FUBP3: variants seen among roughly 807,000 people sequenced by gnomAD.
The protein encoded by FUBP3 is far upstream element-binding protein 3.
Under a neutral mutation model 85.6 loss-of-function variants are expected in FUBP3, and 28 were observed. The observed-to-expected ratio is 0.33, with a 90% CI of 0.24 to 0.45. FUBP3 has a LOEUF of 0.45. FUBP3 is among the 20% of genes least tolerant of loss of function. The pLI, the probability that FUBP3 is intolerant of heterozygous loss-of-function variation, is 1.00. For synonymous variants in FUBP3, 271 were observed against 271.4 expected, an observed-to-expected ratio of 1.00 and a Z score of 0.01; for missense variants, 583 against 755.1, an observed-to-expected ratio of 0.77 and a Z score of 2.67.
Position 130,616,173 on chromosome 9 carries a change from AT to A in FUBP3, c.405-180del. Among the ~76,000 whole-genome samples the A allele has an allele frequency of 6.6e-6, 1 of 152,306 alleles. No individual in the cohort carries two copies. Among genetic ancestry groups the A allele is most frequent in the Middle Eastern group, 3.4e-3 (1 of 292 alleles). ...GTACTGTGGTGTGTGTTGCTTTTAA[AT>A]TCCAGCCCGGTAGCGTGGCGGATGG... On this transcript the variant is annotated intron_variant, in intron 6 of 18. Transcript: ENST00000319725. The surrounding 1 kb of genome is among the most constrained non-coding windows in gnomAD (Gnocchi z 4.7).
At chr9:130,601,398 C>CAGGAGCATTTTT (rs372207821) in intron 2 of FUBP3, among the ~76,000 whole-genome samples, 152 of 152,286 alleles carry the variant, frequency 1.0e-3, no homozygotes, top group African/African-American at 3.1e-3. Context: ...TTTTCTTCCT[C>CAGGAGCATTTTT]AGGAGCATTT....
chr9:130,613,202 C>T (rs1488608570), intron 5 of FUBP3, among the ~76,000 whole-genome samples, 175 bp downstream of exon 5: 1 of 152,178 alleles, frequency 6.6e-6, no homozygotes, highest in African/African-American at 2.4e-5. Context: ...AAGGTGGGCC[C>T]GGAGATAAGG....
rs1353258500 is a variant in FUBP3 at position 130,632,038 on chromosome 9, T to C, written c.1433+16T>C. The C allele has an allele frequency of 4.4e-6, 7 of 1,587,080 alleles. No individual in the cohort carries two copies. Among genetic ancestry groups the C allele is most frequent in the Non-Finnish European group, 5.2e-6 (6 of 1,155,392 alleles). On this transcript the variant is annotated intron_variant, in intron 15 of 18. Transcript: ENST00000319725. ...CCCCTGTGAGGTAGGTGACCTGCTG[T>C]GACTCAGTTGGGGACAGACGGCACT...
At chr9:130,631,024 C>T (rs903879056) in intron 13 of FUBP3, 14 of 678,460 alleles carry the variant, frequency 2.1e-5, no homozygotes, top group Admixed American at 4.4e-5. Context: ...CCGCAGCAGC[C>T]GAGGCCCCAG....
chr9:130,584,309 C>G (rs936278561), intron 1 of FUBP3, among the ~76,000 whole-genome samples: 1 of 151,998 alleles, frequency 6.6e-6, no homozygotes, highest in African/African-American at 2.4e-5. Flanking sequence ...GGGCGGATCA[C>G]TTGAACTCAG....
In FUBP3 at chr9:130,612,395, C is replaced by A; in HGVS notation, c.225-61C>A. 9.4e-7 allele frequency: 1 copy of A among 1,066,556 alleles called. No homozygotes were observed. The highest frequency in any genetic ancestry group is 1.4e-6 in the Non-Finnish European group (1 of 693,380). 66.1% of individuals were successfully genotyped at this position (1,066,556 alleles called of 1,614,324 possible). A position where few individuals can be genotyped will look rare whatever the true frequency, so the allele number is the denominator to read the frequency against. On this transcript the variant is annotated intron_variant, in intron 3 of 18. Coordinates refer to ENST00000319725, the MANE Select transcript of FUBP3 (RefSeq NM_003934.2). This position sits in a 1 kb window ranked among gnomAD's most constrained non-coding sequence, Gnocchi z 4.1. ...ATTGCCAGTATGGGCAGTTTGGGGA[C>A]CTAAAATGGCTGCAAAAGTCTGTAT...
At chr9:130,600,110 T>TCCCTCCCC (rs1831080674) in intron 2 of FUBP3, among the ~76,000 whole-genome samples, 2 of 88,830 alleles carry the variant, frequency 2.3e-5, no homozygotes, top group African/African-American at 4.4e-5. Context: ...CCTCCCTCCC[T>TCCCTCCCC]CCCTCCCTCC....
At chr9:130,618,363 T>C (rs984627255) in intron 8 of FUBP3, among the ~76,000 whole-genome samples, 1 of 152,240 alleles carries the variant, frequency 6.6e-6, no homozygotes, top group Non-Finnish European at 1.5e-5. Flanking sequence ...CGTTCTCTTC[T>C]GGGCTTATTT....
At chr9:130,589,701 ATATATT>A (rs1564191036) in intron 1 of FUBP3, among the ~76,000 whole-genome samples, 97 of 27,970 alleles carry the variant, frequency 3.5e-3, no homozygotes, top group African/African-American at 0.02. Context: ...ATATATATAT[ATATATT>A]TTTTTTTTTT....
chr9:130,582,145 A>G (rs955537785), intron 1 of FUBP3: 3 of 152,192 alleles, frequency 2.0e-5, no homozygotes, highest in South Asian at 2.1e-4. Flanking sequence ...CATCCATTCT[A>G]TAGGGTAGTA....
At chr9:130,620,499 A>C in intron 9 of FUBP3, 41 bp downstream of exon 9, 5 of 972,794 alleles carry the variant, frequency 5.1e-6, no homozygotes, top group Non-Finnish European at 6.4e-6. Context: ...TGAGATGAGG[A>C]CTAAAGTTGT....
At chr9:130,589,697 ATATATATATTT>A (rs1232991756) in intron 1 of FUBP3, among the ~76,000 whole-genome samples, 7 of 29,964 alleles carry the variant, frequency 2.3e-4, no homozygotes, top group African/African-American at 1.1e-3. Flanking sequence ...ATATATATAT[ATATATATATTT>A]TTTTTTTTTT....
At chr9:130,605,189 A>T (rs1420918082) in intron 2 of FUBP3, among the ~76,000 whole-genome samples, 1 of 152,102 alleles carries the variant, frequency 6.6e-6, no homozygotes, top group African/African-American at 2.4e-5. Context: ...TCTTGAGGAG[A>T]AGGTGCAGGG....
At chr9:130,591,226 C>T (rs552040492) in intron 1 of FUBP3, among the ~76,000 whole-genome samples, 308 of 152,128 alleles carry the variant, frequency 2.0e-3, no homozygotes, top group Non-Finnish European at 3.3e-3. Context: ...GGGCGGATCA[C>T]GAGGGCAGGA....
Position 130,579,648 on chromosome 9 carries a change from TCGGCGGCGGCGGCGACGGCGGCGGGGG to T in FUBP3, c.-29_-3del, listed in dbSNP as rs1830042258. The T allele has an allele frequency of 8.3e-7, 1 of 1,210,052 alleles. No homozygotes were observed. The highest frequency in any genetic ancestry group is 1.0e-6 in the Non-Finnish European group (1 of 965,600). 75.0% of individuals were successfully genotyped at this position (1,210,052 alleles called of 1,614,324 possible). A position where few individuals can be genotyped will look rare whatever the true frequency, so the allele number is the denominator to read the frequency against. On this transcript the variant is annotated 5_prime_UTR_variant, in exon 1 of 19. Transcript: ENST00000319725. Reference sequence around the variant, plus strand: ...GAGCCGAGCGGCGGCGTCGGCGGCGTCGGCGGCGGCGGCGACGGCGGCGGGGGCGGTAATGGCGGAGCTGGTGCAGGG... The same window carrying T: ...GAGCCGAGCGGCGGCGTCGGCGGCGTCGGTAATGGCGGAGCTGGTGCAGGG...
At chr9:130,607,512 A>T (rs1245665195) in intron 2 of FUBP3, among the ~76,000 whole-genome samples, 1 of 152,150 alleles carries the variant, frequency 6.6e-6, no homozygotes, top group Non-Finnish European at 1.5e-5. Context: ...GATTTTACCC[A>T]GCATTTTTCC....
Position 130,634,538 on chromosome 9 carries a change from C to CCGTGTG in FUBP3, c.1511-129_1511-128insCGTGTG. 5 of 663,858 alleles carry CCGTGTG rather than the reference C, an allele frequency of 7.5e-6. No individual in the cohort carries two copies. The East Asian group carries it at 1.4e-4, about 18-fold the overall frequency. The allele number at this position is 663,858 out of a possible 1,614,324, so 41.1% of individuals were successfully genotyped here. On this transcript the variant is annotated intron_variant, in intron 16 of 18. Coordinates refer to ENST00000319725, the MANE Select transcript of FUBP3 (RefSeq NM_003934.2). ...TGCCAGCTGCCACCTCCTTCCCAGGCAGGGCTGCGGAGCCGTGTGTGGCCA... is the reference window on the plus strand; with the variant it reads ...TGCCAGCTGCCACCTCCTTCCCAGGCCGTGTGAGGGCTGCGGAGCCGTGTGTGGCCA...
chr9:130,631,505 G>C, intron 13 of FUBP3, 52 bp from the exon 14 acceptor site: 1 of 1,528,124 alleles, frequency 6.5e-7, no homozygotes, highest in Non-Finnish European at 9.1e-7. Flanking sequence ...CTGGGCAGAG[G>C]AAAGAGGTGT....
At chr9:130,582,613 A>G (rs1195357299) in intron 1 of FUBP3, among the ~76,000 whole-genome samples, 2 of 152,246 alleles carry the variant, frequency 1.3e-5, no homozygotes, top group African/African-American at 4.8e-5. Flanking sequence ...AGATAAGACA[A>G]AATCCTGAGT....
Sources: gnomAD v4.1 joint callset for allele counts (sites outside exome capture counted in the v4.1 genomes callset) on GRCh38, gnomAD v4.1.1 for gene constraint, Gnocchi (gnomAD v3.1) non-coding constraint, MANE v1.5 for transcripts, NCBI Gene and HGNC (gene_info 2026-07-23, HGNC 2026-07-21) for gene names.